Variants in ANKRD50 observed in about 807,000 individuals in gnomAD.
ANKRD50 encodes ankyrin repeat domain-containing protein 50.
A neutral mutation model predicts 112.0 loss-of-function variants in ANKRD50; 40 were observed. The observed-to-expected ratio is 0.36, with a 90% confidence interval of 0.28 to 0.46. The LOEUF (loss-of-function observed/expected upper bound fraction) is 0.46, where lower values mean the gene tolerates loss of function less well. Among genes scored for constraint, ANKRD50 ranks in the 20% least tolerant of loss-of-function variants. ANKRD50 has a pLI of 1.00. For missense variants in ANKRD50, 1,487 were observed against 1,701.7 expected, an observed-to-expected ratio of 0.87 and a Z score of 2.22; for synonymous variants, 613 against 619.1, an observed-to-expected ratio of 0.99 and a Z score of 0.15.
rs774164818 is a variant in ANKRD50 at position 124,672,239 on chromosome 4, T to C, written c.1038A>G (p.Gln346=). ...TCAAAATAGGCTGAACCTTTGCAAATTGTTTTCTTACAAAAAGTCTTTGGC... is the reference window on the plus strand; with the variant it reads ...TCAAAATAGGCTGAACCTTTGCAAACTGTTTTCTTACAAAAAGTCTTTGGC... ...WLCQRLFVRK[Q]FAKVQPILNV... The change falls in exon 4 of 5, where the codon CAA becomes CAG. Residue 346 remains glutamine (Q), a synonymous_variant. Transcript: ENST00000504087. The C allele has an allele frequency of 1.3e-5, 21 of 1,613,680 alleles. No individual in the cohort carries two copies. Among genetic ancestry groups the C allele is most frequent in the Non-Finnish European group, 1.6e-5 (19 of 1,179,856 alleles).
rs1368518367 is a variant in ANKRD50, at chr4:124,671,788, G to A, written c.1489C>T (p.Leu497=). 1.9e-6 allele frequency: 3 copies of A among 1,613,754 alleles called. No homozygotes were observed. In the African/African-American group the frequency reaches 4.0e-5, roughly 22 times the overall value. The change falls in exon 4 of 5, where the codon CTA becomes TTA. Residue 497 remains leucine, a synonymous_variant. Coordinates refer to ENST00000504087, the MANE Select transcript of ANKRD50 (RefSeq NM_020337.3). The part of the protein sequence containing the change: ...STLIPKEQEV[L]QLLVKAGAHV... ...GCCCCAGCTTTAACCAACAGCTGTA[G>A]CACTTCTTGTTCCTTGGGTATCAAA...
chr4:124,679,020 A>G, intron 2 of ANKRD50, 115 bp from the exon 3 acceptor site: 1 of 787,472 alleles, frequency 1.3e-6, no homozygotes, highest in Non-Finnish European at 2.0e-6. Flanking sequence ...ATAAGGTATT[A>G]GAACAAAAAA....
In ANKRD50 at chr4:124,671,382, T is replaced by A. The variant is rs1384764831; in HGVS notation, c.1895A>T (p.Tyr632Phe). The A allele has an allele frequency of 3.1e-6, 5 of 1,613,730 alleles. No individual in the cohort carries two copies. Among genetic ancestry groups the A allele is most frequent in the Admixed American group, 1.7e-5 (1 of 59,958 alleles). ...GHTEVVSALL[Y>F]AGVKVDCADA... ...TGCACAATCCACTTTTACGCCAGCA[T>A]AAAGTAGTGCAGAAACTACCTCAGT... The change falls in exon 4 of 5, where the codon TAT becomes TTT. Residue 632 changes from tyrosine (Y) to phenylalanine (F), a missense_variant. Tyr to Phe is a conservative substitution (Grantham distance 22). Around this residue, in one of 2 missense-constraint regions of ANKRD50, gnomAD observed 1,046 missense variants for 1,269.5 expected, o/e 0.82. Coordinates refer to ENST00000504087, the MANE Select transcript of ANKRD50 (RefSeq NM_020337.3).
chr4:124,675,446 A>G (rs1312798203), intron 3 of ANKRD50, among the ~76,000 whole-genome samples: 3 of 151,816 alleles, frequency 2.0e-5, no homozygotes, highest in Non-Finnish European at 3.0e-5. Context: ...TACAAATAAA[A>G]TATGTAGGCA....
At chr4:124,695,005 A>C (rs1725220374) in intron 2 of ANKRD50, among the ~76,000 whole-genome samples, 1 of 152,164 alleles carries the variant, frequency 6.6e-6, no homozygotes, top group Non-Finnish European at 1.5e-5. Context: ...TTAAAAGAAA[A>C]TGTATAGGTA....
At position 124,669,979 on chromosome 4, in the gene ANKRD50, AT is replaced by A; in HGVS notation, c.3297del (p.Lys1099AsnfsTer7). 1 of 1,609,382 alleles carries A rather than the reference AT, an allele frequency of 6.2e-7. No homozygotes were observed. The highest frequency in any genetic ancestry group is 8.5e-7 in the Non-Finnish European group (1 of 1,178,934). ...CAGCCATTCAAACTAGATGCACCAT[AT>A]TTTTCTAATAATTTAATTATCTGAG... Reference protein sequence around the residue: ...GHSQIIKLLEKYGASSLNGCS... With the variant: ...GHSQIIKLLEXYGASSLNGCS... On this transcript the variant is annotated frameshift_variant, in exon 4 of 5. Coordinates refer to ENST00000504087, the MANE Select transcript of ANKRD50 (RefSeq NM_020337.3). LOFTEE classifies it high-confidence loss of function.
chr4:124,684,779 C>G (rs576061716), intron 2 of ANKRD50, among the ~76,000 whole-genome samples: 162 of 152,324 alleles, frequency 1.1e-3, no homozygotes, highest in African/African-American at 3.9e-3. Context: ...TTCCCCAGTA[C>G]TATTTAAAAT....
intron 2 of ANKRD50, among the ~76,000 whole-genome samples, chr4:124,692,829 T>C (rs913985826): frequency 3.3e-5 from 5 of 152,204 alleles, no homozygotes; most frequent in African/African-American, 1.2e-4. Flanking sequence ...ACCTAGTCTA[T>C]TGCATTTTGT....
In ANKRD50 at chr4:124,670,913, T is replaced by A. The variant is rs1730631763; in HGVS notation, c.2364A>T (p.Ala788=). 1 of 1,613,756 alleles carries A rather than the reference T, an allele frequency of 6.2e-7. No individual in the cohort carries two copies. Among genetic ancestry groups the A allele is most frequent in the African/African-American group, 1.3e-5 (1 of 74,898 alleles). ...DNNGRTPLLA[A]ASMGHASVVN... Reference sequence around the variant, plus strand: ...CAACTGATGCATGACCCATAGACGCTGCTGCTAAGAGGGGTGTACGGCCAT... The same window carrying A: ...CAACTGATGCATGACCCATAGACGCAGCTGCTAAGAGGGGTGTACGGCCAT... Residue 788 remains alanine, a synonymous_variant, in exon 4 of 5, where the codon GCA becomes GCT. Transcript: ENST00000504087.
At chr4:124,691,264 G>A (rs368219546) in intron 2 of ANKRD50, among the ~76,000 whole-genome samples, 1 of 151,712 alleles carries the variant, frequency 6.6e-6, no homozygotes, top group African/African-American at 2.4e-5. Flanking sequence ...AGGCCGAGGC[G>A]GGTGGATCAT....
chr4:124,667,096 C>G lies in ANKRD50; in HGVS notation c.*422G>C, dbSNP rs962229450. 4.0e-5 allele frequency: 6 copies of G among 151,606 alleles called. No individual in the cohort carries two copies. Among genetic ancestry groups the G allele is most frequent in the African/African-American group, 1.5e-4 (6 of 41,308 alleles). 9.4% of individuals were successfully genotyped at this position (151,606 alleles called of 1,614,324 possible). A position where few individuals can be genotyped will look rare whatever the true frequency, so the allele number is the denominator to read the frequency against. ...ACACTACAATGCAATGTGACTGAAA[C>G]AGTATGTTTAAGTTTCTTTTGCCAC... On this transcript the variant is annotated 3_prime_UTR_variant, in exon 5 of 5. Transcript: ENST00000504087.
intron 2 of ANKRD50, among the ~76,000 whole-genome samples, chr4:124,679,686 T>G (rs1724830710): frequency 6.6e-6 from 1 of 152,170 alleles, no homozygotes; most frequent in African/African-American, 2.4e-5. Flanking sequence ...CACCAGAAAC[T>G]TACAAATAAT....
At chr4:124,680,069 G>A (rs1724844992) in intron 2 of ANKRD50, among the ~76,000 whole-genome samples, 1 of 152,172 alleles carries the variant, frequency 6.6e-6, no homozygotes, top group Non-Finnish European at 1.5e-5. Context: ...ATTTTAAGTT[G>A]AGAGTAACCT....
chr4:124,690,773 G>A (rs1725118962), intron 2 of ANKRD50, among the ~76,000 whole-genome samples: 1 of 152,068 alleles, frequency 6.6e-6, no homozygotes, highest in Non-Finnish European at 1.5e-5. Flanking sequence ...TGTAAGTTTG[G>A]GGTGAACAGT....
chr4:124,709,339 T>C (rs775418342), intron 2 of ANKRD50, among the ~76,000 whole-genome samples: 1 of 152,036 alleles, frequency 6.6e-6, no homozygotes, highest in Non-Finnish European at 1.5e-5. Flanking sequence ...CCTGGACCAA[T>C]CCATTTACCA....
At chr4:124,678,122 C>T (rs1016593256) in intron 3 of ANKRD50, among the ~76,000 whole-genome samples, 14 of 151,978 alleles carry the variant, frequency 9.2e-5, no homozygotes, top group Admixed American at 1.3e-4. Flanking sequence ...TATAGAACTA[C>T]TCAAAAGTTA....
chr4:124,672,154 T>C lies in ANKRD50; in HGVS notation c.1123A>G (p.Thr375Ala), dbSNP rs759267194. ...TITELYHAVW[T>A]KNMSLTLEDF... Reference sequence around the variant, plus strand: ...TCCAAAGTTAACGACATGTTTTTGGTCCATACTGCGTGATATAATTCCGTT... The same window carrying C: ...TCCAAAGTTAACGACATGTTTTTGGCCCATACTGCGTGATATAATTCCGTT... Residue 375 changes from threonine to alanine, a missense_variant, in exon 4 of 5, where the codon ACC becomes GCC. Around this residue, in one of 2 missense-constraint regions of ANKRD50, gnomAD observed 1,046 missense variants for 1,269.5 expected, o/e 0.82. Coordinates refer to ENST00000504087, the MANE Select transcript of ANKRD50 (RefSeq NM_020337.3). 6.2e-7 allele frequency: 1 copy of C among 1,613,788 alleles called. No individual in the cohort carries two copies. The highest frequency in any genetic ancestry group is 1.3e-5 in the African/African-American group (1 of 74,894).
At chr4:124,674,540 G>A (rs555130874) in intron 3 of ANKRD50, among the ~76,000 whole-genome samples, 1 of 151,852 alleles carries the variant, frequency 6.6e-6, no homozygotes, top group Non-Finnish European at 1.5e-5. Context: ...GCTCAGAAAG[G>A]CTAAATAAAT....
At chr4:124,686,407 C>T (rs114250370) in intron 2 of ANKRD50, among the ~76,000 whole-genome samples, 134 of 152,244 alleles carry the variant, frequency 8.8e-4, no homozygotes, top group African/African-American at 3.1e-3. Flanking sequence ...CGTTCACACT[C>T]GCTTGCTGCC....
Sources: gnomAD v4.1 joint callset for allele counts (sites outside exome capture counted in the v4.1 genomes callset) on GRCh38, gnomAD v4.1.1 for gene constraint, gnomAD v4.1.1 regional missense constraint, MANE v1.5 for transcripts, NCBI Gene and HGNC (gene_info 2026-07-23, HGNC 2026-07-21) for gene names.